PRR16: variants seen among roughly 807,000 people sequenced by gnomAD.
PRR16 encodes protein Largen.
Under a neutral mutation model 18.2 loss-of-function variants are expected in PRR16, and 6 were observed. The ratio of observed to expected loss-of-function variants is 0.33; its 90% confidence interval spans 0.18 to 0.65. PRR16 has a LOEUF of 0.65. Ranked by LOEUF, PRR16 falls within the 30% of genes least tolerant of loss-of-function variation. PRR16 has a pLI of 0.74. For missense variants in PRR16, 412 were observed against 376.6 expected (o/e 1.09, Z -0.78); for synonymous variants, 151 against 147.8 (o/e 1.02, Z -0.16).
At chr5:120,701,907 C>G in the PRR16 span, among the ~76,000 whole-genome samples, 1 of 152,104 alleles carries the variant, frequency 6.6e-6, no homozygotes, top group African/African-American at 2.4e-5. Context: ...GTGCCATTTT[C>G]TGGCTATTTG....
At position 120,574,257 on chromosome 5, in the gene PRR16, TAA is replaced by T. The variant is rs1753003836; in HGVS notation, c.159+109615_159+109616del. 2.0e-5 allele frequency among the ~76,000 whole-genome samples: 3 copies of T among 152,150 alleles called. No individual in the cohort carries two copies. In the South Asian group the frequency reaches 6.2e-4, roughly 32 times the overall value. ...AATAATTGCAACAAGTCAATAATAA[TAA>T]AAGATAATCATATACAAAAAATATA... On this transcript the variant is annotated intron_variant, in intron 1 of 1. Coordinates refer to ENST00000407149, the MANE Select transcript of PRR16 (RefSeq NM_001300783.2).
chr5:120,641,821 C>T (rs1755432446), intron 1 of PRR16, among the ~76,000 whole-genome samples: 1 of 152,062 alleles, frequency 6.6e-6, no homozygotes, highest in South Asian at 2.1e-4. Context: ...CAGTCCTGAC[C>T]TCAAGGTTGG....
chr5:120,729,162 C>T, the PRR16 span, among the ~76,000 whole-genome samples: 1 of 152,038 alleles, frequency 6.6e-6, no homozygotes. Flanking sequence ...TCCATCTAGG[C>T]AGGACAAATG....
At chr5:120,491,781 C>T (rs1382021671) in intron 1 of PRR16, among the ~76,000 whole-genome samples, 2 of 152,124 alleles carry the variant, frequency 1.3e-5, no homozygotes, top group Non-Finnish European at 2.9e-5. Flanking sequence ...TGACCTCAGG[C>T]AGTCTGCCCG....
chr5:120,733,943 A>G, the PRR16 span, among the ~76,000 whole-genome samples: 47 of 152,310 alleles, frequency 3.1e-4, 1 homozygote, highest in East Asian at 8.9e-3. Flanking sequence ...ATTTTATTTC[A>G]ATCTGTGTTA....
intron 1 of PRR16, among the ~76,000 whole-genome samples, chr5:120,580,643 G>A (rs573240671): frequency 6.6e-6 from 1 of 151,964 alleles, no homozygotes; most frequent in African/African-American, 2.4e-5. Flanking sequence ...TTTTAGTAGA[G>A]ATGAGGTTTC....
the PRR16 span, among the ~76,000 whole-genome samples, chr5:120,791,591 CTATCTATCT>C: frequency 1.1e-4 from 8 of 70,368 alleles, no homozygotes; most frequent in Admixed American, 1.0e-3. Flanking sequence ...TATCATCTAT[CTATCTATCT>C]ATCTATCTAT....
rs990657219 is a variant in PRR16 at position 120,572,299 on chromosome 5, G to A, written c.159+107654G>A. ...CATATGTAACTGGCCATAGTACAAG[G>A]TTGTAAGAAGTGGTTAAATTCCAGT... On this transcript the variant is annotated intron_variant, in intron 1 of 1. Coordinates refer to ENST00000407149, the MANE Select transcript of PRR16 (RefSeq NM_001300783.2). Among the ~76,000 whole-genome samples, 9 of 152,232 alleles carry A rather than the reference G, an allele frequency of 5.9e-5. No homozygotes were observed. The East Asian group carries it at 1.7e-3, about 29-fold the overall frequency.
At chr5:120,514,038 G>T (rs1271879635) in intron 1 of PRR16, among the ~76,000 whole-genome samples, 1 of 152,126 alleles carries the variant, frequency 6.6e-6, no homozygotes, top group African/African-American at 2.4e-5. Flanking sequence ...GATTGCAGAT[G>T]TGAGCCACCG....
intron 1 of PRR16, among the ~76,000 whole-genome samples, chr5:120,497,423 C>T (rs532082349): frequency 2.2e-4 from 27 of 125,032 alleles, no homozygotes; most frequent in Admixed American, 1.1e-3. Context: ...TGGAGTCTCA[C>T]GCTATCACCT....
chr5:120,597,685 T>A (rs1240100844), intron 1 of PRR16, among the ~76,000 whole-genome samples: 1 of 151,824 alleles, frequency 6.6e-6, no homozygotes, highest in Admixed American at 6.6e-5. Flanking sequence ...AACAATGTTA[T>A]ATTTCCTTAA....
At chr5:120,750,275 T>G in the PRR16 span, among the ~76,000 whole-genome samples, 1 of 152,252 alleles carries the variant, frequency 6.6e-6, no homozygotes, top group Admixed American at 6.5e-5. Flanking sequence ...CATCCTGATA[T>G]GATACAAGCC....
chr5:120,620,920 C>A (rs1460829705), intron 1 of PRR16, among the ~76,000 whole-genome samples: 2 of 152,136 alleles, frequency 1.3e-5, no homozygotes, highest in Admixed American at 1.3e-4. Context: ...TTAAAATAAA[C>A]ACATAGAAAG....
intron 1 of PRR16, among the ~76,000 whole-genome samples, chr5:120,562,625 T>G (rs1264971489): frequency 2.6e-5 from 4 of 151,976 alleles, no homozygotes. Flanking sequence ...ATTTCTAACT[T>G]TGTGTGTGTG....
In PRR16 at chr5:120,686,727, A is replaced by G. The variant is rs1554095611; in HGVS notation, c.*18A>G. The G allele has an allele frequency of 6.9e-7, 1 of 1,446,934 alleles. No homozygotes were observed. The highest frequency in any genetic ancestry group is 9.1e-7 in the Non-Finnish European group (1 of 1,095,182). 89.6% of individuals were successfully genotyped at this position (1,446,934 alleles called of 1,614,324 possible). ...CCGTGTGATGTATGCCATTAAAAAA[A>G]TTGTTTTTTTAATTTTCTATATTAT... On this transcript the variant is annotated 3_prime_UTR_variant, in exon 2 of 2. Transcript: ENST00000407149.
chr5:120,480,210 G>C (rs1388740377), intron 1 of PRR16, among the ~76,000 whole-genome samples: 1 of 152,120 alleles, frequency 6.6e-6, no homozygotes, highest in Non-Finnish European at 1.5e-5. Flanking sequence ...GGGAGGCAGA[G>C]GTTGCAGTGA....
chr5:120,512,605 G>A (rs763990579), intron 1 of PRR16, among the ~76,000 whole-genome samples: 1 of 152,214 alleles, frequency 6.6e-6, no homozygotes, highest in Middle Eastern at 3.4e-3. Flanking sequence ...GGGAATGTTC[G>A]TAAAGATCTA....
intron 1 of PRR16, among the ~76,000 whole-genome samples, chr5:120,637,509 G>T (rs1755277066): frequency 6.6e-6 from 1 of 152,046 alleles, no homozygotes; most frequent in South Asian, 2.1e-4. Context: ...ACAGTAACCT[G>T]AATGGAATTG....
At chr5:120,793,544 G>T in the PRR16 span, among the ~76,000 whole-genome samples, 1 of 152,068 alleles carries the variant, frequency 6.6e-6, no homozygotes, top group Non-Finnish European at 1.5e-5. Flanking sequence ...TGTGCAAAGA[G>T]AAAAAAGAGA....
Sources: allele counts gnomAD v4.1 joint callset (sites outside exome capture counted in the v4.1 genomes callset), GRCh38; gene constraint gnomAD v4.1.1; transcripts MANE v1.5; gene names NCBI Gene and HGNC (gene_info 2026-07-23, HGNC 2026-07-21).